Variants in ZNF410 observed in about 807,000 individuals in gnomAD.
ZNF410 encodes the protein another partner for ARF 1.
Under a neutral mutation model 54.8 loss-of-function variants are expected in ZNF410, and 18 were observed. The ratio of observed to expected loss-of-function variants is 0.33; its 90% CI spans 0.23 to 0.49. ZNF410 has a LOEUF of 0.49. Among genes scored for constraint, ZNF410 ranks in the 20% least tolerant of loss-of-function variants. The pLI is 0.99. For synonymous variants in ZNF410, 191 were observed against 207.3 expected (o/e 0.92, Z 0.68); for missense variants, 405 against 569.6 (o/e 0.71, Z 2.94).
intron 1 of ZNF410, among the ~76,000 whole-genome samples, chr14:73,889,589 C>G (rs2055194349): frequency 6.6e-6 from 1 of 152,060 alleles, no homozygotes; most frequent in South Asian, 2.1e-4. Flanking sequence ...GGTGGGAGTC[C>G]TGGCTTTGCA....
At chr14:73,891,216 T>C (rs1264684769) in intron 1 of ZNF410, among the ~76,000 whole-genome samples, 10 of 152,142 alleles carry the variant, frequency 6.6e-5, no homozygotes. Flanking sequence ...GCTACGGTCA[T>C]AGCTGTATGA....
chr14:73,894,496 A>T, intron 3 of ZNF410: 1 of 679,618 alleles, frequency 1.5e-6, no homozygotes. Context: ...ATCTTGGCTC[A>T]CTGCAACCTC....
At chr14:73,927,613 A>G (rs1051143329) in intron 11 of ZNF410, among the ~76,000 whole-genome samples, 1 of 152,148 alleles carries the variant, frequency 6.6e-6, no homozygotes, top group Non-Finnish European at 1.5e-5. Context: ...TAAATGCCAG[A>G]TGTATGAAAA....
intron 1 of ZNF410, among the ~76,000 whole-genome samples, chr14:73,890,235 C>G (rs1158910013): frequency 6.6e-6 from 1 of 151,564 alleles, no homozygotes; most frequent in Non-Finnish European, 1.5e-5. Context: ...GTCGCCCAGG[C>G]TGGAGTACAG....
intron 8 of ZNF410, chr14:73,920,506 G>A (rs2055740309): frequency 6.5e-6 from 1 of 154,508 alleles, no homozygotes. Flanking sequence ...GAGAGTTTGG[G>A]ACTTGAAGAC....
chr14:73,922,142 G>C lies in ZNF410; in HGVS notation c.1206G>C (p.Gln402His). The C allele has an allele frequency of 6.2e-7, 1 of 1,614,096 alleles. No homozygotes were observed. ...AAAACCTGGTGTCTATGAATTCCCA[G>C]CCCAGCCTTGGTGGAGAGTCCTTGA... ...PSKNLVSMNS[Q>H]PSLGGESLNL... The change falls in exon 10 of 12, where the codon CAG (glutamine) becomes CAC (histidine). Residue 402 changes from glutamine to histidine, a missense_variant. Around this residue, in one of 3 missense-constraint regions of ZNF410, gnomAD observed 127 missense variants for 141.3 expected, o/e 0.90. Transcript: ENST00000555044.
chr14:73,918,417 A>AT (rs1020789917), intron 8 of ZNF410, among the ~76,000 whole-genome samples: 6 of 151,744 alleles, frequency 4.0e-5, no homozygotes, highest in Non-Finnish European at 8.8e-5. Flanking sequence ...TTTTATTTTT[A>AT]TTTTTTCTGA....
intron 7 of ZNF410, among the ~76,000 whole-genome samples, chr14:73,907,739 A>G (rs1056879649): frequency 1.3e-5 from 2 of 151,184 alleles, no homozygotes; most frequent in African/African-American, 2.4e-5. Context: ...TAAAAATACA[A>G]AAATTAGCTG....
chr14:73,891,184 C>T (rs2055224652), intron 1 of ZNF410, among the ~76,000 whole-genome samples: 1 of 152,102 alleles, frequency 6.6e-6, no homozygotes, highest in South Asian at 2.1e-4. Flanking sequence ...AATTAAGTCA[C>T]ACCAGCCTAC....
chr14:73,922,673 C>T (rs1044493732), intron 10 of ZNF410: 1 of 152,700 alleles, frequency 6.5e-6, no homozygotes, highest in African/African-American at 2.4e-5. Flanking sequence ...ACAGGCCAGG[C>T]CCTCTTCTCT....
intron 8 of ZNF410, among the ~76,000 whole-genome samples, chr14:73,911,649 C>G (rs1024567889): frequency 1.6e-4 from 24 of 152,190 alleles, no homozygotes; most frequent in African/African-American, 5.5e-4. Context: ...TTTTATATAG[C>G]AACAGTGGTG....
At chr14:73,918,655 G>A (rs1348256542) in intron 8 of ZNF410, among the ~76,000 whole-genome samples, 2 of 146,274 alleles carry the variant, frequency 1.4e-5, no homozygotes, top group African/African-American at 5.1e-5. Flanking sequence ...TTCTGTGTCT[G>A]GATTTGCCTG....
At chr14:73,913,152 C>T (rs765762847) in intron 8 of ZNF410, 43 of 152,052 alleles carry the variant, frequency 2.8e-4, no homozygotes, top group Non-Finnish European at 5.9e-4. Context: ...AGCCTTTGAA[C>T]TCCTGGGAAC....
chr14:73,896,526 C>A lies in ZNF410; in HGVS notation c.380C>A (p.Thr127Lys). The change falls in exon 4 of 12, where the codon ACA (threonine) becomes AAA (lysine). Residue 127 changes from threonine to lysine, a missense_variant. Thr to Lys is a moderately conservative substitution (Grantham distance 78, BLOSUM62 -1). Around this residue, in one of 3 missense-constraint regions of ZNF410, gnomAD observed 247 missense variants for 342.8 expected, o/e 0.72. Coordinates refer to ENST00000555044, the MANE Select transcript of ZNF410 (RefSeq NM_021188.3). ...DSTSFILLNL[T>K]RAGLGSSAEH... is the part of the protein sequence containing the mutation. ...ACTTCTTTTATTCTTCTTAACCTAA[C>A]AAGAGCAGGTATTCTTTCCTTTTTT... 1 of 1,613,830 alleles carries A rather than the reference C, an allele frequency of 6.2e-7. No individual in the cohort carries two copies. The highest frequency in any genetic ancestry group is 8.5e-7 in the Non-Finnish European group (1 of 1,179,892).
In ZNF410 at chr14:73,898,077, G is replaced by A. The variant is rs1476586715; in HGVS notation, c.395G>A (p.Gly132Asp). 2 of 1,612,332 alleles carry A rather than the reference G, an allele frequency of 1.2e-6. No individual in the cohort carries two copies. The highest frequency in any genetic ancestry group is 3.3e-5 in the Admixed American group (2 of 59,916). The change falls in exon 5 of 12, where the codon GGC (glycine) becomes GAC (aspartate). Residue 132 changes from glycine to aspartate, a missense_variant. Coordinates refer to ENST00000555044, the MANE Select transcript of ZNF410 (RefSeq NM_021188.3). Reference protein sequence around the residue: ...ILLNLTRAGLGSSAEHLVFVQ... With the variant: ...ILLNLTRAGLDSSAEHLVFVQ... ...TATATTTTGTTTCTTCCAGGTCTGGGCTCTTCAGCTGAGCACTTAGTGTTT... is the reference window on the plus strand; with the variant it reads ...TATATTTTGTTTCTTCCAGGTCTGGACTCTTCAGCTGAGCACTTAGTGTTT...
intron 2 of ZNF410, among the ~76,000 whole-genome samples, chr14:73,892,678 CT>C (rs1418232215): frequency 6.6e-6 from 1 of 152,116 alleles, no homozygotes; most frequent in African/African-American, 2.4e-5. Flanking sequence ...AGAGTGGTCA[CT>C]GAATTTGGAA....
At chr14:73,919,673 G>A (rs990764194) in intron 8 of ZNF410, among the ~76,000 whole-genome samples, 1 of 152,014 alleles carries the variant, frequency 6.6e-6, no homozygotes, top group African/African-American at 2.4e-5. Context: ...CACATTTTCT[G>A]TATCGTATTT....
chr14:73,929,420 T>C (rs567539232), intron 11 of ZNF410, among the ~76,000 whole-genome samples: 2 of 152,340 alleles, frequency 1.3e-5, no homozygotes, highest in South Asian at 4.1e-4. Context: ...GCAACACATG[T>C]CCGTTTCACC....
chr14:73,898,096 A>G lies in ZNF410; in HGVS notation c.414A>G (p.Leu138=). Reference sequence around the variant, plus strand: ...GTCTGGGCTCTTCAGCTGAGCACTTAGTGTTTGTACAGGATGAGGCAGAAG... The same window carrying G: ...GTCTGGGCTCTTCAGCTGAGCACTTGGTGTTTGTACAGGATGAGGCAGAAG... ...RAGLGSSAEH[L]VFVQDEAEDS... The change falls in exon 5 of 12, where the codon TTA becomes TTG. Residue 138 remains leucine (L), a synonymous_variant. Transcript: ENST00000555044. 6.2e-7 allele frequency: 1 copy of G among 1,613,778 alleles called. No homozygotes were observed. Among genetic ancestry groups the G allele is most frequent in the Middle Eastern group, 1.7e-4 (1 of 6,060 alleles).
Sources: gnomAD v4.1 joint callset for allele counts (sites outside exome capture counted in the v4.1 genomes callset) on GRCh38, gnomAD v4.1.1 for gene constraint, gnomAD v4.1.1 regional missense constraint, MANE v1.5 for transcripts, NCBI Gene and HGNC (gene_info 2026-07-23, HGNC 2026-07-21) for gene names.